The following ZNF730 variants were observed in gnomAD, a reference collection of about 807,000 sequenced individuals.
ZNF730 encodes putative zinc finger protein 730.
In ZNF730, 12 loss-of-function variants were observed where a neutral mutation model predicts 12.6. That is an observed-to-expected ratio of 0.95 (90% confidence interval 0.61 to 1.54). The LOEUF is 1.54. Ranked by LOEUF, ZNF730 falls within the 40% of genes most tolerant of loss-of-function variation. The pLI is 0.00. For synonymous variants in ZNF730, 194 were observed against 195.8 expected, an observed-to-expected ratio of 0.99 and a Z score of 0.08; for missense variants, 643 against 583.5, an observed-to-expected ratio of 1.10 and a Z score of -1.05.
At chr19:23,080,636 A>G (rs1268163352) in intron 1 of ZNF730, among the ~76,000 whole-genome samples, 5 of 151,908 alleles carry the variant, frequency 3.3e-5, no homozygotes, top group Non-Finnish European at 5.9e-5. Flanking sequence ...CGGCCTCCCA[A>G]AGTGCTGGGA....
intron 1 of ZNF730, chr19:23,128,077 G>A (rs1444962553): frequency 1.5e-5 from 12 of 784,860 alleles, no homozygotes; most frequent in Non-Finnish European, 2.5e-5. Flanking sequence ...AAGCACTGAT[G>A]GTCAGCCAAG....
chr19:23,101,212 T>G (rs1970332182), intron 1 of ZNF730, among the ~76,000 whole-genome samples: 1 of 150,166 alleles, frequency 6.7e-6, no homozygotes, highest in African/African-American at 2.5e-5. Flanking sequence ...ACAGTAAAGA[T>G]TGTCATTCTC....
chr19:23,145,289 C>G lies in ZNF730; in HGVS notation c.245C>G (p.Ala82Gly), dbSNP rs768219828. ...AKPPVICSHI[A>G]QDLWPEQGIK... ...CTTTCAGTTATATGTTCTCATATTG[C>G]CCAAGACCTTTGGCCAGAGCAAGGC... The change falls in exon 4 of 4, where the codon GCC becomes GGC. Residue 82 changes from alanine to glycine, a missense_variant. By Grantham distance (60) the Ala-to-Gly change is moderately conservative. Coordinates refer to ENST00000597761, the MANE Select transcript of ZNF730 (RefSeq NM_001277403.2). 3.9e-6 allele frequency: 6 copies of G among 1,550,254 alleles called. No individual in the cohort carries two copies. In the South Asian group the frequency reaches 7.5e-5, roughly 19 times the overall value.
intron 1 of ZNF730, among the ~76,000 whole-genome samples, chr19:23,129,580 C>CCCG (rs903344825): frequency 6.6e-6 from 1 of 150,902 alleles, no homozygotes; most frequent in Non-Finnish European, 1.5e-5. Flanking sequence ...TATCCCCCCC[C>CCCG]CCATTATATC....
chr19:23,082,594 G>A (rs1464142807), intron 1 of ZNF730, among the ~76,000 whole-genome samples: 2 of 152,144 alleles, frequency 1.3e-5, no homozygotes, highest in Non-Finnish European at 2.9e-5. Flanking sequence ...CAGTCCACCC[G>A]CCTCAGCCTC....
chr19:23,083,772 T>C (rs1401116463), intron 1 of ZNF730, among the ~76,000 whole-genome samples: 1 of 152,154 alleles, frequency 6.6e-6, no homozygotes, highest in African/African-American at 2.4e-5. Flanking sequence ...ATAGATTGTG[T>C]TTTATTTTAG....
chr19:23,139,675 C>T (rs1027328247), intron 3 of ZNF730, among the ~76,000 whole-genome samples: 3 of 152,136 alleles, frequency 2.0e-5, no homozygotes, highest in Admixed American at 6.5e-5. Context: ...CAGGCACCTG[C>T]CACCATGCCT....
intron 1 of ZNF730, among the ~76,000 whole-genome samples, chr19:23,133,742 C>G (rs1446554180): frequency 6.6e-6 from 1 of 152,216 alleles, no homozygotes; most frequent in Non-Finnish European, 1.5e-5. Flanking sequence ...CCTTCTAACT[C>G]AATGTGACTT....
chr19:23,128,329 A>T lies in ZNF730; in HGVS notation c.4-5751A>T, dbSNP rs1331087263. 15 of 603,564 alleles carry T rather than the reference A, an allele frequency of 2.5e-5. No individual in the cohort carries two copies. In the East Asian group the frequency reaches 4.6e-4, roughly 18 times the overall value. 37.4% of individuals were successfully genotyped at this position (603,564 alleles called of 1,614,324 possible). A position where few individuals can be genotyped will look rare whatever the true frequency, so the allele number is the denominator to read the frequency against. Reference sequence around the variant, plus strand: ...GAAGGATGATGAAGATGGTTACAGGAAACAGTTCTCTCAATACATAAACAA... The same window carrying T: ...GAAGGATGATGAAGATGGTTACAGGTAACAGTTCTCTCAATACATAAACAA... On this transcript the variant is annotated intron_variant, in intron 1 of 3. Transcript: ENST00000597761.
In ZNF730 at chr19:23,134,091, A is replaced by C; in HGVS notation, c.15A>C (p.Thr5=). Residue 5 remains threonine (T), a synonymous_variant, in exon 2 of 4, where the codon ACA becomes ACC. Transcript: ENST00000597761. MGAL[T]FRDVAIEFSL... is the part of the protein sequence containing the mutation. ...TTTGTGTTTTTCAGGGAGCGTTGAC[A>C]TTTAGAGATGTGGCCATAGAATTCT... 1 of 1,613,374 alleles carries C rather than the reference A, an allele frequency of 6.2e-7. No individual in the cohort carries two copies. The highest frequency in any genetic ancestry group is 8.5e-7 in the Non-Finnish European group (1 of 1,179,606).
intron 2 of ZNF730, 34 bp from the exon 3 acceptor site, chr19:23,135,914 A>G (rs1970824497): frequency 1.3e-6 from 2 of 1,568,864 alleles, no homozygotes; most frequent in Non-Finnish European, 1.7e-6. Context: ...ATTGGAGAAT[A>G]TGAGCAAGAT....
At chr19:23,117,593 A>G (rs1286223183) in intron 1 of ZNF730, among the ~76,000 whole-genome samples, 2 of 151,996 alleles carry the variant, frequency 1.3e-5, no homozygotes, top group Non-Finnish European at 2.9e-5. Context: ...TCACCAAAAT[A>G]TTAAAGAATT....
chr19:23,142,045 TAC>T (rs561951692), intron 3 of ZNF730, among the ~76,000 whole-genome samples: 1 of 152,112 alleles, frequency 6.6e-6, no homozygotes, highest in Non-Finnish European at 1.5e-5. Flanking sequence ...TACTCACACA[TAC>T]ACACACAGAA....
rs943350912 is a variant in ZNF730 at position 23,126,796 on chromosome 19, T to C, written c.4-7284T>C. The C allele has an allele frequency of 6.3e-4, 329 of 523,006 alleles. 2 individuals are homozygous for C. The highest frequency in any genetic ancestry group is 5.6e-4 in the Non-Finnish European group (148 of 263,008). 32.4% of individuals were successfully genotyped at this position (523,006 alleles called of 1,614,324 possible). Reference sequence around the variant, plus strand: ...GAAGTTTTAGCCAGCAGAACATCTTTATTTTTTGCTCTTGCTTTATCCAGT... The same window carrying C: ...GAAGTTTTAGCCAGCAGAACATCTTCATTTTTTGCTCTTGCTTTATCCAGT... On this transcript the variant is annotated intron_variant, in intron 1 of 3. Transcript: ENST00000597761.
chr19:23,128,484 C>G (rs565270610), intron 1 of ZNF730: 1 of 306,684 alleles, frequency 3.3e-6, no homozygotes, highest in African/African-American at 2.2e-5. Flanking sequence ...CTCAAAAGAT[C>G]GAGTAGCTCA....
chr19:23,108,644 A>C (rs920105654), intron 1 of ZNF730, among the ~76,000 whole-genome samples: 1 of 152,234 alleles, frequency 6.6e-6, no homozygotes, highest in Non-Finnish European at 1.5e-5. Context: ...AAGTGTTGAA[A>C]ATCATAAATA....
chr19:23,131,176 TA>T (rs1970738672), intron 1 of ZNF730, among the ~76,000 whole-genome samples: 1 of 152,226 alleles, frequency 6.6e-6, no homozygotes. Context: ...AAAATTTCTG[TA>T]AATTATATTA....
intron 1 of ZNF730, among the ~76,000 whole-genome samples, chr19:23,122,443 G>A (rs373615427): frequency 1.8e-4 from 27 of 152,074 alleles, no homozygotes; most frequent in East Asian, 1.7e-3. Context: ...ACATCGGGCC[G>A]TTTAAAGCTT....
At chr19:23,097,761 C>T (rs1384283850) in intron 1 of ZNF730, among the ~76,000 whole-genome samples, 1 of 152,154 alleles carries the variant, frequency 6.6e-6, no homozygotes, top group Non-Finnish European at 1.5e-5. Flanking sequence ...TTTTACCCAG[C>T]CCCTAGGTTA....
Sources: allele counts gnomAD v4.1 joint callset (sites outside exome capture counted in the v4.1 genomes callset), GRCh38; gene constraint gnomAD v4.1.1; transcripts MANE v1.5; gene names NCBI Gene and HGNC (gene_info 2026-07-23, HGNC 2026-07-21).